GATA4: variants seen among roughly 807,000 people sequenced by gnomAD.
GATA4 encodes transcription factor GATA-4.
In GATA4, 7 loss-of-function variants were observed where a neutral mutation model predicts 37.9. The ratio of observed to expected loss-of-function variants is 0.18; its 90% CI spans 0.11 to 0.35. GATA4 has a LOEUF of 0.35. GATA4 is among the 10% of genes least tolerant of loss of function. The pLI, the probability that GATA4 is intolerant of heterozygous loss-of-function variation, is 1.00. For missense variants in GATA4, 647 were observed against 653.0 expected (o/e 0.99, Z 0.10); for synonymous variants, 372 against 292.6 (o/e 1.27, Z -2.77).
intron 2 of GATA4, among the ~76,000 whole-genome samples, chr8:11,720,746 C>T (rs1354702084): frequency 6.6e-6 from 1 of 152,080 alleles, no homozygotes; most frequent in Non-Finnish European, 1.5e-5. Context: ...TAGCCTACAG[C>T]TCCATGTATG....
chr8:11,759,992 A>G lies in GATA4; in HGVS notation c.*1517A>G, dbSNP rs1802814798. 6.6e-6 allele frequency: 1 copy of G among 152,668 alleles called. No homozygotes were observed. 9.5% of individuals were successfully genotyped at this position (152,668 alleles called of 1,614,324 possible). On this transcript the variant is annotated 3_prime_UTR_variant, in exon 7 of 7. Coordinates refer to ENST00000532059, the MANE Select transcript of GATA4 (RefSeq NM_001308093.3). ...GTATTTAACTAATAAATTTATCTGT[A>G]TTCCTCTTTCCCTCGTCCCTTAGTG...
At chr8:11,688,820 C>A (rs1456699737), upstream of GATA4, among the ~76,000 whole-genome samples, 1 of 152,138 alleles carries the variant, frequency 6.6e-6, no homozygotes, top group Non-Finnish European at 1.5e-5. Context: ...GAACCTAATC[C>A]CCAAATCCCC....
chr8:11,711,552 A>C (rs111721287), intron 2 of GATA4, among the ~76,000 whole-genome samples: 14,455 of 152,086 alleles, frequency 0.095, 745 homozygotes, highest in South Asian at 0.13. Flanking sequence ...CTGAGGCAGG[A>C]GGATCATTTG....
chr8:11,678,884 T>C (rs1461612384), intron 1 of GATA4, among the ~76,000 whole-genome samples: 2 of 152,230 alleles, frequency 1.3e-5, no homozygotes, highest in Non-Finnish European at 2.9e-5. Context: ...GGGGGGAGCC[T>C]TAAAAACAAT....
chr8:11,740,293 C>T (rs959375505), intron 2 of GATA4, among the ~76,000 whole-genome samples: 1 of 152,246 alleles, frequency 6.6e-6, no homozygotes, highest in Non-Finnish European at 1.5e-5. Context: ...GCAGGTCTCA[C>T]AGTGAGGTCT....
chr8:11,677,337 C>T (rs906769676), intron 1 of GATA4, among the ~76,000 whole-genome samples: 26 of 152,204 alleles, frequency 1.7e-4, no homozygotes, highest in African/African-American at 5.8e-4. Flanking sequence ...TTCTGTGTCC[C>T]TCCTTCTTCC....
rs1802149343 is a variant in GATA4 at position 11,748,766 on chromosome 8, G to A, written c.617-150G>A. ...TTAGGGAGCAGGGGCTGAAGTCAGA[G>A]TGAGGAAGAGCAAGAGCAGCCCGAG... On this transcript the variant is annotated intron_variant, in intron 2 of 6. Coordinates refer to ENST00000532059, the MANE Select transcript of GATA4 (RefSeq NM_001308093.3). The A allele has an allele frequency of 4.6e-6, 4 of 861,926 alleles. No homozygotes were observed. The Admixed American group carries it at 7.1e-5, about 15-fold the overall frequency. The allele number at this position is 861,926 out of a possible 1,614,324, so 53.4% of individuals were successfully genotyped here. A position where few individuals can be genotyped will look rare whatever the true frequency, so the allele number is the denominator to read the frequency against.
In GATA4 at chr8:11,708,225, T is replaced by G; in HGVS notation, c.-88T>G. 7 of 1,431,352 alleles carry G rather than the reference T, an allele frequency of 4.9e-6. No individual in the cohort carries two copies. Among genetic ancestry groups the G allele is most frequent in the Non-Finnish European group, 6.6e-6 (7 of 1,052,832 alleles). 88.7% of individuals were successfully genotyped at this position (1,431,352 alleles called of 1,614,324 possible). A position where few individuals can be genotyped will look rare whatever the true frequency, so the allele number is the denominator to read the frequency against. On this transcript the variant is annotated 5_prime_UTR_variant, in exon 2 of 7. Transcript: ENST00000532059. The surrounding 1 kb of genome is among the most constrained non-coding windows in gnomAD (Gnocchi z 6.7). ...GCGACAGTTCCTCCCACGCATATTATCGTTGTTGCCGTCGTTTTCTCTCCC... is the reference window on the plus strand; with the variant it reads ...GCGACAGTTCCTCCCACGCATATTAGCGTTGTTGCCGTCGTTTTCTCTCCC...
Position 11,709,965 on chromosome 8 carries a change from A to AG in GATA4, c.616+1038dup, listed in dbSNP as rs1217501578. On this transcript the variant is annotated intron_variant, in intron 2 of 6. Transcript: ENST00000532059. This position sits in a 1 kb window ranked among gnomAD's most constrained non-coding sequence, Gnocchi z 4.3. ...TGAGCCCACCCTGTGGGGGAGGGGAAGCCCAGGCTTGAGAAGCAAAGCTCG... is the reference window on the plus strand; with the variant it reads ...TGAGCCCACCCTGTGGGGGAGGGGAAGGCCCAGGCTTGAGAAGCAAAGCTCG... 6.6e-6 allele frequency among the ~76,000 whole-genome samples: 1 copy of AG among 152,336 alleles called. No homozygotes were observed. The highest frequency in any genetic ancestry group is 1.9e-4 in the East Asian group (1 of 5,178).
intron 4 of GATA4, 70 bp from the exon 5 acceptor site, chr8:11,754,976 T>A (rs1250240082): frequency 8.2e-7 from 1 of 1,222,372 alleles, no homozygotes; most frequent in African/African-American, 1.5e-5. Context: ...GCAGCAGGTG[T>A]GTGTCTTTCA....
intron 5 of GATA4, 30 bp downstream of exon 5, chr8:11,755,163 G>T: frequency 1.3e-6 from 2 of 1,558,172 alleles, no homozygotes; most frequent in South Asian, 2.2e-5. Context: ...GTGATTATAT[G>T]AGTACATCAG....
In GATA4 at chr8:11,750,243, G is replaced by T. The variant is rs759872773; in HGVS notation, c.912+7G>T. 16 of 1,612,006 alleles carry T rather than the reference G, an allele frequency of 9.9e-6. No individual in the cohort carries two copies. The highest frequency in any genetic ancestry group is 1.3e-5 in the Non-Finnish European group (15 of 1,180,042). ...CTACATGAAGCTCCACGGGGTACGT[G>T]GGTCCTGCGCCCATGCGGCATCCTT... On this transcript the variant is annotated splice_region_variant and intron_variant, in intron 4 of 6. Transcript: ENST00000532059.
At chr8:11,741,599 A>G (rs1223182823) in intron 2 of GATA4, among the ~76,000 whole-genome samples, 2 of 152,096 alleles carry the variant, frequency 1.3e-5, no homozygotes, top group African/African-American at 4.8e-5. Flanking sequence ...AGCATCCTAC[A>G]TTTCTCCTGG....
At chr8:11,695,175 A>G (rs1398282300) in intron 1 of GATA4, among the ~76,000 whole-genome samples, 3 of 152,112 alleles carry the variant, frequency 2.0e-5, no homozygotes, top group African/African-American at 7.2e-5. Context: ...GGAGGCCGAG[A>G]GGGGTGGATC....
chr8:11,753,496 G>GAAAAA (rs34925763), intron 4 of GATA4, among the ~76,000 whole-genome samples: 1 of 143,210 alleles, frequency 7.0e-6, no homozygotes, highest in Non-Finnish European at 1.5e-5. Context: ...TACTGCAACT[G>GAAAAA]AAAAAAAAAA....
intron 1 of GATA4, among the ~76,000 whole-genome samples, chr8:11,695,954 T>C (rs1799496522): frequency 6.6e-6 from 1 of 152,184 alleles, no homozygotes; most frequent in South Asian, 2.1e-4. Context: ...ATGCAAGGCT[T>C]TCTTTTGTAT....
At chr8:11,718,102 A>G (rs1800515922) in intron 2 of GATA4, among the ~76,000 whole-genome samples, 1 of 152,254 alleles carries the variant, frequency 6.6e-6, no homozygotes, top group African/African-American at 2.4e-5. Context: ...GGAGAAAATC[A>G]TAATAAAAGC....
At chr8:11,703,228 T>G (rs893289691), upstream of GATA4, among the ~76,000 whole-genome samples, 3 of 152,072 alleles carry the variant, frequency 2.0e-5, no homozygotes, top group Non-Finnish European at 4.4e-5. Flanking sequence ...CGCCGGCTGT[T>G]ATCTGGGGCT....
rs573379956 is a variant in GATA4 at position 11,739,383 on chromosome 8, C to G, written c.617-9533C>G. On this transcript the variant is annotated intron_variant, in intron 2 of 6. Transcript: ENST00000532059. ...GGAATACCTGAAAAATAGATATTTT[C>G]CCTTTAAAAAAGTTTATTCCAGTGA... is the stretch of plus-strand genomic sequence containing the variant. Among the ~76,000 whole-genome samples the G allele has an allele frequency of 2.6e-5, 4 of 152,280 alleles. 1 individual carries two copies. The South Asian group carries it at 8.3e-4, about 32-fold the overall frequency.
Sources: gnomAD v4.1 joint callset for allele counts (sites outside exome capture counted in the v4.1 genomes callset) on GRCh38, gnomAD v4.1.1 for gene constraint, Gnocchi (gnomAD v3.1) non-coding constraint, MANE v1.5 for transcripts, NCBI Gene and HGNC (gene_info 2026-07-23, HGNC 2026-07-21) for gene names.